The following PSD3 variants were observed in gnomAD, a reference collection of about 807,000 sequenced individuals.
PSD3 encodes the protein PH and SEC7 domain-containing protein 3.
A neutral mutation model predicts 105.5 loss-of-function variants in PSD3; 49 were observed. That is an observed-to-expected ratio of 0.46 (90% CI 0.37 to 0.59). The LOEUF is 0.59. Among genes scored for constraint, PSD3 ranks in the 20% least tolerant of loss-of-function variants. The pLI is 0.00. For missense variants in PSD3, 1,561 were observed against 1,263.8 expected, an observed-to-expected ratio of 1.24 and a Z score of -3.57; for synonymous variants, 557 against 457.8, an observed-to-expected ratio of 1.22 and a Z score of -2.77.
intron 12 of PSD3, among the ~76,000 whole-genome samples, chr8:18,577,521 A>T (rs1802535244): frequency 6.6e-6 from 1 of 152,072 alleles, no homozygotes; most frequent in Non-Finnish European, 1.5e-5. Context: ...AGTTTTATAC[A>T]TATTTTAGTT....
chr8:18,962,351 T>C (rs1008109405), intron 1 of PSD3, among the ~76,000 whole-genome samples: 6 of 152,202 alleles, frequency 3.9e-5, no homozygotes, highest in Admixed American at 1.3e-4. Context: ...ATAAATTTAA[T>C]AGCTTGTTGT....
chr8:19,079,746 C>G (rs1228678309), intron 1 of PSD3, among the ~76,000 whole-genome samples: 2 of 152,174 alleles, frequency 1.3e-5, no homozygotes, highest in Non-Finnish European at 2.9e-5. Context: ...AGCACTGACT[C>G]TTTCATACCT....
chr8:18,734,163 T>C (rs1044366531), intron 9 of PSD3: 3 of 152,234 alleles, frequency 2.0e-5, no homozygotes, highest in Non-Finnish European at 4.4e-5. Context: ...AAAATATCAC[T>C]AAACTTGGAG....
chr8:18,996,621 T>A (rs1826091347), intron 1 of PSD3, among the ~76,000 whole-genome samples: 1 of 152,022 alleles, frequency 6.6e-6, no homozygotes, highest in South Asian at 2.1e-4. Context: ...ATTTTTTTCC[T>A]CTTTACTGTC....
chr8:18,537,318 G>A lies in PSD3; in HGVS notation c.2929-1360C>T, dbSNP rs374708919. ...TCAAAGTAAGGAAGAAATGAAACTC[G>A]GATTTGAACCAAGGCAATCTGAGTT... On this transcript the variant is annotated intron_variant, in intron 15 of 15. Transcript: ENST00000327040. 7.9e-5 allele frequency among the ~76,000 whole-genome samples: 12 copies of A among 152,230 alleles called. No homozygotes were observed. In the East Asian group the frequency reaches 1.7e-3, roughly 22 times the overall value.
intron 4 of PSD3, among the ~76,000 whole-genome samples, chr8:18,858,740 A>C (rs1243405515): frequency 6.6e-6 from 1 of 152,164 alleles, no homozygotes; most frequent in African/African-American, 2.4e-5. Flanking sequence ...TCATTTATTA[A>C]AGTTTTATCA....
chr8:18,808,233 C>G (rs1170394103), intron 4 of PSD3, among the ~76,000 whole-genome samples: 5 of 152,172 alleles, frequency 3.3e-5, no homozygotes, highest in Non-Finnish European at 7.3e-5. Context: ...CTTTTCCTAT[C>G]ATGTAGTAAA....
At chr8:18,737,880 T>C (rs542343249) in intron 9 of PSD3, among the ~76,000 whole-genome samples, 1 of 152,176 alleles carries the variant, frequency 6.6e-6, no homozygotes, top group Non-Finnish European at 1.5e-5. Flanking sequence ...TCCTATTGTT[T>C]TTGCAAGTAT....
intron 9 of PSD3, among the ~76,000 whole-genome samples, chr8:18,667,119 C>A (rs370531391): frequency 6.6e-6 from 1 of 152,208 alleles, no homozygotes; most frequent in African/African-American, 2.4e-5. Flanking sequence ...GGGACCCCAG[C>A]GAGTTGCCAC....
At chr8:18,999,467 T>C (rs1324438729) in intron 1 of PSD3, among the ~76,000 whole-genome samples, 1 of 151,906 alleles carries the variant, frequency 6.6e-6, no homozygotes, top group East Asian at 1.9e-4. Context: ...GAATCAGTTG[T>C]GTTTGCACCT....
chr8:18,752,531 T>TG (rs1805614981), intron 9 of PSD3, among the ~76,000 whole-genome samples: 2 of 19,670 alleles, frequency 1.0e-4, no homozygotes, highest in African/African-American at 5.7e-4. Flanking sequence ...TATATATAAT[T>TG]ATATATTATA....
At chr8:18,779,350 C>G (rs375389111) in intron 8 of PSD3, among the ~76,000 whole-genome samples, 1 of 151,408 alleles carries the variant, frequency 6.6e-6, no homozygotes, top group African/African-American at 2.4e-5. Context: ...CTTGGTTAGT[C>G]TATCCAGCAA....
chr8:18,968,096 T>A (rs1201446499), intron 1 of PSD3, among the ~76,000 whole-genome samples: 1 of 152,108 alleles, frequency 6.6e-6, no homozygotes, highest in East Asian at 1.9e-4. Context: ...AAACAGAAAT[T>A]TATGTCCACA....
chr8:18,682,424 C>G (rs1328759209), intron 9 of PSD3, among the ~76,000 whole-genome samples: 1 of 152,224 alleles, frequency 6.6e-6, no homozygotes, highest in Non-Finnish European at 1.5e-5. Flanking sequence ...TCTATTTCAG[C>G]AGGAGACCGC....
chr8:18,981,591 G>A (rs114511240), intron 1 of PSD3, among the ~76,000 whole-genome samples: 2,175 of 152,152 alleles, frequency 0.014, 69 homozygotes, highest in African/African-American at 0.05. Context: ...AGATTGTGTG[G>A]GTTCAATTCC....
chr8:18,577,538 T>C (rs1802536198), intron 12 of PSD3, among the ~76,000 whole-genome samples: 1 of 152,094 alleles, frequency 6.6e-6, no homozygotes, highest in Non-Finnish European at 1.5e-5. Flanking sequence ...AGTTGCTATG[T>C]TGTCTGGTGC....
intron 1 of PSD3, among the ~76,000 whole-genome samples, chr8:18,981,184 C>T (rs976513981): frequency 3.3e-5 from 5 of 152,110 alleles, no homozygotes; most frequent in African/African-American, 1.2e-4. Flanking sequence ...GCCCTCAGCA[C>T]CACATAATGG....
At chr8:18,918,351 C>G (rs1820760321) in intron 2 of PSD3, among the ~76,000 whole-genome samples, 1 of 152,202 alleles carries the variant, frequency 6.6e-6, no homozygotes, top group African/African-American at 2.4e-5. Context: ...AGCCTTCTCT[C>G]CATCCTGACT....
intron 9 of PSD3, among the ~76,000 whole-genome samples, chr8:18,704,482 G>C (rs886581807): frequency 2.6e-5 from 4 of 152,120 alleles, no homozygotes; most frequent in African/African-American, 9.7e-5. Context: ...GGATTACAGG[G>C]ACGTGCCACC....
Sources: gnomAD v4.1 joint callset for allele counts (sites outside exome capture counted in the v4.1 genomes callset) on GRCh38, gnomAD v4.1.1 for gene constraint, MANE v1.5 for transcripts, NCBI Gene and HGNC (gene_info 2026-07-23, HGNC 2026-07-21) for gene names.